Variants in BIRC6 observed in about 807,000 individuals in gnomAD.
BIRC6 encodes baculoviral IAP repeat containing 6, also known as dual E2 ubiquitin-conjugating enzyme/E3 ubiquitin-protein ligase BIRC6.
In BIRC6, 98 loss-of-function variants were observed where a neutral mutation model predicts 503.3. That is an observed-to-expected ratio of 0.19 (90% confidence interval 0.17 to 0.23). The LOEUF (loss-of-function observed/expected upper bound fraction) is 0.23. Among genes scored for constraint, BIRC6 ranks in the 10% least tolerant of loss-of-function variants. The pLI is 1.00. For synonymous variants in BIRC6, 2,240 were observed against 2,078.7 expected, an observed-to-expected ratio of 1.08 and a Z score of -2.11; for missense variants, 5,360 against 5,806.0, an observed-to-expected ratio of 0.92 and a Z score of 2.50.
chr2:32,381,792 T>G (rs959400627), intron 3 of BIRC6, among the ~76,000 whole-genome samples: 4 of 152,086 alleles, frequency 2.6e-5, no homozygotes, highest in African/African-American at 7.2e-5. Context: ...GATTCACCCA[T>G]CTCGGCCTCC....
At chr2:32,468,870 C>A in intron 29 of BIRC6, 87 bp downstream of exon 29, 1 of 1,051,046 alleles carries the variant, frequency 9.5e-7, no homozygotes, top group South Asian at 2.2e-5. Context: ...TCAATATTTT[C>A]TATTGTAAAT....
At chr2:32,432,884 A>G (rs2044296055) in intron 12 of BIRC6, among the ~76,000 whole-genome samples, 1 of 151,932 alleles carries the variant, frequency 6.6e-6, no homozygotes, top group Non-Finnish European at 1.5e-5. Context: ...ATTTAGAATG[A>G]TGGTTGTGGT....
intron 62 of BIRC6, among the ~76,000 whole-genome samples, chr2:32,544,858 A>C (rs2057944080): frequency 6.6e-6 from 1 of 151,930 alleles, no homozygotes; most frequent in African/African-American, 2.4e-5. Flanking sequence ...AGGAATTTCT[A>C]ATTACTTGAT....
At chr2:32,552,945 C>A (rs1193358211) in intron 65 of BIRC6, among the ~76,000 whole-genome samples, 1 of 149,286 alleles carries the variant, frequency 6.7e-6, no homozygotes, top group Non-Finnish European at 1.5e-5. Context: ...TGAAAACAAT[C>A]CATATTTAAT....
intron 1 of BIRC6, among the ~76,000 whole-genome samples, chr2:32,360,884 C>T (rs555688999): frequency 1.3e-5 from 2 of 152,004 alleles, no homozygotes; most frequent in East Asian, 3.9e-4. Flanking sequence ...GCCTAATATA[C>T]AGTGTGTGTG....
At chr2:32,391,624 T>C (rs1392861783) in intron 4 of BIRC6, among the ~76,000 whole-genome samples, 1 of 152,258 alleles carries the variant, frequency 6.6e-6, no homozygotes, top group African/African-American at 2.4e-5. Flanking sequence ...CTTTCTGTTA[T>C]CAGTTGTAAT....
Position 32,467,531 on chromosome 2 carries a change from G to A in BIRC6, c.5363G>A (p.Arg1788Lys). 3 of 1,613,588 alleles carry A rather than the reference G, an allele frequency of 1.9e-6. No homozygotes were observed. The highest frequency in any genetic ancestry group is 2.5e-6 in the Non-Finnish European group (3 of 1,179,622). ...TTTCTTCTTTCTCTCATAGGAGCAA[G>A]AAGATTTGTGACCTTGGATTTTGGG... ...IIIERMHSGARRFVTLDFGRP... is the reference protein window; with the variant it reads ...IIIERMHSGAKRFVTLDFGRP... Residue 1788 changes from arginine (R) to lysine (K), a missense_variant, in exon 27 of 74, where the codon AGA becomes AAA. Physicochemically the swap from Arg to Lys is conservative, Grantham distance 26 (BLOSUM62 2). Coordinates refer to ENST00000421745, the MANE Select transcript of BIRC6 (RefSeq NM_016252.4).
rs796930604 is a variant in BIRC6, at chr2:32,545,969, T to G, written c.12810+109T>G. 1.0e-5 allele frequency: 10 copies of G among 964,284 alleles called. No homozygotes were observed. The African/African-American group carries it at 1.7e-4, about 16-fold the overall frequency. The allele number at this position is 964,284 out of a possible 1,614,324, so 59.7% of individuals were successfully genotyped here. On this transcript the variant is annotated intron_variant, in intron 63 of 73. Coordinates refer to ENST00000421745, the MANE Select transcript of BIRC6 (RefSeq NM_016252.4). ...TCTTTCAGAGACTTGGGTGTTCCAT[T>G]TTCACATCTAAAAGGATATTTAAAA...
intron 1 of BIRC6, among the ~76,000 whole-genome samples, chr2:32,361,707 T>TC (rs929140756): frequency 7.9e-5 from 12 of 152,016 alleles, no homozygotes; most frequent in African/African-American, 2.9e-4. Flanking sequence ...AACTGTTCCC[T>TC]CCCCTCTCCC....
chr2:32,526,908 A>T (rs985866690), intron 59 of BIRC6: 1 of 152,310 alleles, frequency 6.6e-6, no homozygotes, highest in African/African-American at 2.4e-5. Context: ...GGAGAAGTTC[A>T]TTGATAAATT....
At chr2:32,587,837 C>G (rs1209502764) in intron 66 of BIRC6, among the ~76,000 whole-genome samples, 1 of 152,150 alleles carries the variant, frequency 6.6e-6, no homozygotes, top group Non-Finnish European at 1.5e-5. Context: ...TGTGTTTTCA[C>G]TCCCCTGAAG....
intron 65 of BIRC6, among the ~76,000 whole-genome samples, chr2:32,567,001 G>A (rs2059578735): frequency 6.6e-6 from 1 of 152,050 alleles, no homozygotes; most frequent in Non-Finnish European, 1.5e-5. Flanking sequence ...TTGAAACAGA[G>A]TCTCTGTTAC....
chr2:32,386,790 G>A (rs570094757), intron 3 of BIRC6, among the ~76,000 whole-genome samples: 44 of 152,200 alleles, frequency 2.9e-4, no homozygotes, highest in Non-Finnish European at 6.0e-4. Flanking sequence ...CAGGAATGTA[G>A]CATTGCTTTA....
At chr2:32,459,568 A>G (rs1216600455) in intron 23 of BIRC6, among the ~76,000 whole-genome samples, 1 of 152,142 alleles carries the variant, frequency 6.6e-6, no homozygotes. Flanking sequence ...CAATTTCTAC[A>G]CAAAATACTT....
chr2:32,481,965 C>A (rs560818266), intron 38 of BIRC6, among the ~76,000 whole-genome samples: 2 of 152,186 alleles, frequency 1.3e-5, no homozygotes, highest in East Asian at 1.9e-4. Flanking sequence ...AGAAAACTTA[C>A]ATTTTTATTA....
chr2:32,556,162 A>G (rs957464874), intron 65 of BIRC6, among the ~76,000 whole-genome samples: 5 of 152,196 alleles, frequency 3.3e-5, no homozygotes, highest in African/African-American at 4.8e-5. Context: ...CCTTTTATTT[A>G]GAGTTTTCAT....
intron 6 of BIRC6, among the ~76,000 whole-genome samples, chr2:32,399,057 A>G (rs1327867192): frequency 1.3e-5 from 2 of 152,084 alleles, no homozygotes; most frequent in Non-Finnish European, 2.9e-5. Flanking sequence ...GTTCTTTAAG[A>G]AACATTTATT....
rs751806687 is a variant in BIRC6 at position 32,414,759 on chromosome 2, C to A, written c.1478-10C>A. 8.8e-6 allele frequency: 14 copies of A among 1,599,478 alleles called. No individual in the cohort carries two copies. The East Asian group carries it at 3.1e-4, about 36-fold the overall frequency. On this transcript the variant is annotated splice_polypyrimidine_tract_variant and intron_variant, in intron 9 of 73. Transcript: ENST00000421745. ...GAAACATATCTAATGAATATTGTTC[C>A]TTTTTAAAGGGCATACATCACAGAA...
At chr2:32,432,062 T>C (rs1450739234) in intron 12 of BIRC6, among the ~76,000 whole-genome samples, 1 of 152,148 alleles carries the variant, frequency 6.6e-6, no homozygotes, top group Non-Finnish European at 1.5e-5. Flanking sequence ...AAAAGAAATA[T>C]GACCATTGTT....
Sources: allele counts gnomAD v4.1 joint callset (sites outside exome capture counted in the v4.1 genomes callset), GRCh38; gene constraint gnomAD v4.1.1; transcripts MANE v1.5; gene names NCBI Gene and HGNC (gene_info 2026-07-23, HGNC 2026-07-21).